Variants in ZFYVE28 observed in about 807,000 individuals in gnomAD.
ZFYVE28 encodes the protein zinc finger FYVE-type containing 28.
In ZFYVE28, 40 loss-of-function variants were observed where a neutral mutation model predicts 82.1. That is an observed-to-expected ratio of 0.49 (90% CI 0.38 to 0.63). ZFYVE28 has a LOEUF of 0.63. Ranked by LOEUF, ZFYVE28 falls within the 30% of genes least tolerant of loss-of-function variation. The probability of loss-of-function intolerance (pLI) is 0.00; values close to 1 mark genes in which losing one functional copy is unlikely to be tolerated. For missense variants in ZFYVE28, 1,321 were observed against 1,242.1 expected, an observed-to-expected ratio of 1.06 and a Z score of -0.96; for synonymous variants, 612 against 546.1, an observed-to-expected ratio of 1.12 and a Z score of -1.68.
At chr4:2,301,880 C>G (rs948513060) in intron 8 of ZFYVE28, among the ~76,000 whole-genome samples, 2 of 152,198 alleles carry the variant, frequency 1.3e-5, no homozygotes, top group African/African-American at 4.8e-5. Context: ...CAAAAACGGC[C>G]TCACCCAAAA....
At chr4:2,386,730 C>G (rs1360236696) in intron 1 of ZFYVE28, among the ~76,000 whole-genome samples, 1 of 152,268 alleles carries the variant, frequency 6.6e-6, no homozygotes, top group Non-Finnish European at 1.5e-5. Context: ...GCCTCCAGGA[C>G]TGTAAGAAAC....
intron 1 of ZFYVE28, among the ~76,000 whole-genome samples, chr4:2,382,856 C>T (rs1050064287): frequency 2.0e-4 from 30 of 152,118 alleles, no homozygotes; most frequent in African/African-American, 5.3e-4. Context: ...CTCAGAATCA[C>T]GGCAGGAGGC....
intron 6 of ZFYVE28, chr4:2,330,687 AG>A: frequency 6.9e-7 from 1 of 1,441,210 alleles, no homozygotes; most frequent in Non-Finnish European, 9.1e-7. Flanking sequence ...CATGGCCAAG[AG>A]GACACTGGAG....
rs79886636 is a variant in ZFYVE28 at position 2,338,741 on chromosome 4, T to C, written c.521+712A>G. Among the ~76,000 whole-genome samples, 5 of 152,346 alleles carry C rather than the reference T, an allele frequency of 3.3e-5. No homozygotes were observed. The South Asian group carries it at 8.3e-4, about 25-fold the overall frequency. ...GGACTGCCCTTAATGCATTGGTTGA[T>C]CTCCTAGGGGCCAGTAGATTACAAG... On this transcript the variant is annotated intron_variant, in intron 4 of 12. Transcript: ENST00000290974.
At chr4:2,379,760 T>C (rs1728533004) in intron 1 of ZFYVE28, among the ~76,000 whole-genome samples, 1 of 152,184 alleles carries the variant, frequency 6.6e-6, no homozygotes. Context: ...TATTTATAAA[T>C]CTATAAATGG....
intron 7 of ZFYVE28, among the ~76,000 whole-genome samples, chr4:2,312,691 C>T (rs557464182): frequency 2.3e-4 from 31 of 133,424 alleles, no homozygotes; most frequent in South Asian, 1.2e-3. Context: ...CGCGCCACTG[C>T]GCTCCAGCCT....
intron 1 of ZFYVE28, among the ~76,000 whole-genome samples, chr4:2,395,686 T>C (rs1004224633): frequency 1.3e-5 from 2 of 152,200 alleles, no homozygotes; most frequent in Admixed American, 6.5e-5. Context: ...CTCCCAGCTC[T>C]TCTCCACCAA....
intron 1 of ZFYVE28, among the ~76,000 whole-genome samples, chr4:2,355,235 T>A (rs1257794884): frequency 2.6e-4 from 6 of 22,872 alleles, no homozygotes; most frequent in East Asian, 1.4e-3. Flanking sequence ...TATATATATA[T>A]ATATATATAT....
chr4:2,383,855 T>C (rs914893849), intron 1 of ZFYVE28, among the ~76,000 whole-genome samples: 7 of 152,166 alleles, frequency 4.6e-5, no homozygotes, highest in African/African-American at 1.7e-4. Flanking sequence ...CTGGCGTGTG[T>C]TACAGACACT....
chr4:2,397,407 G>C (rs1222601061), intron 1 of ZFYVE28, among the ~76,000 whole-genome samples: 4 of 151,538 alleles, frequency 2.6e-5, no homozygotes. Context: ...GAACCCAGGA[G>C]GTGGAGCTTG....
chr4:2,305,684 C>A (rs1716461053), intron 7 of ZFYVE28, 148 bp from the exon 8 acceptor site: 3 of 984,094 alleles, frequency 3.0e-6, no homozygotes, highest in Non-Finnish European at 4.5e-6. Flanking sequence ...AAGGCACCAG[C>A]ACGTCTCCTC....
In ZFYVE28 at chr4:2,270,797, C is replaced by T; in HGVS notation, c.2592G>A (p.Lys864=). 3.7e-6 allele frequency: 6 copies of T among 1,613,156 alleles called. 1 individual carries two copies. Among genetic ancestry groups the T allele is most frequent in the Middle Eastern group, 3.3e-4 (2 of 6,060 alleles). Residue 864 remains lysine, a synonymous_variant, in exon 13 of 13, where the codon AAG becomes AAA. Coordinates refer to ENST00000290974, the MANE Select transcript of ZFYVE28 (RefSeq NM_020972.3). ...AGCAGTGGGTGCACACTCGGACCGG[C>T]TTCACCTGCCCGTAGCGGGGCAGCG... ...SAPLPRYGQV[K]PVRVCTHCYM...
At chr4:2,395,698 G>A (rs753471912) in intron 1 of ZFYVE28, among the ~76,000 whole-genome samples, 20 of 152,190 alleles carry the variant, frequency 1.3e-4, no homozygotes, top group Non-Finnish European at 2.4e-4. Context: ...CTCCACCAAG[G>A]TCACCAGGAA....
At chr4:2,386,357 C>T (rs920924413) in intron 1 of ZFYVE28, among the ~76,000 whole-genome samples, 13 of 152,168 alleles carry the variant, frequency 8.5e-5, no homozygotes, top group African/African-American at 2.9e-4. Flanking sequence ...TGGTGGCGGG[C>T]ACCTGTATTC....
At chr4:2,366,938 A>G (rs757483571) in intron 1 of ZFYVE28, among the ~76,000 whole-genome samples, 1 of 152,266 alleles carries the variant, frequency 6.6e-6, no homozygotes, top group Non-Finnish European at 1.5e-5. Flanking sequence ...GCCAGACGCA[A>G]AGCTGGGAGA....
Position 2,335,293 on chromosome 4 carries a change from G to C in ZFYVE28, c.701+412C>G, listed in dbSNP as rs1721500493. ...ACAAGCCAATCACAGCCTCCTGAGGGACCCGGGGGGCAGCTCGTCCTCTTG... is the reference window on the plus strand; with the variant it reads ...ACAAGCCAATCACAGCCTCCTGAGGCACCCGGGGGGCAGCTCGTCCTCTTG... On this transcript the variant is annotated intron_variant, in intron 6 of 12. Transcript: ENST00000290974. The surrounding 1 kb of genome is among the most constrained non-coding windows in gnomAD (Gnocchi z 5.8). Among the ~76,000 whole-genome samples the C allele has an allele frequency of 6.6e-6, 1 of 151,996 alleles. No individual in the cohort carries two copies. The highest frequency in any genetic ancestry group is 1.5e-5 in the Non-Finnish European group (1 of 67,978).
intron 1 of ZFYVE28, among the ~76,000 whole-genome samples, chr4:2,357,967 C>T (rs116805216): frequency 0.013 from 2,032 of 152,298 alleles, 21 homozygotes; most frequent in Middle Eastern, 0.034. Flanking sequence ...TCAGCCACAA[C>T]GCAGGTGCAT....
chr4:2,348,318 A>G (rs1723876743), intron 2 of ZFYVE28, among the ~76,000 whole-genome samples: 1 of 152,218 alleles, frequency 6.6e-6, no homozygotes, highest in Admixed American at 6.5e-5. Context: ...GTAGTTAAAA[A>G]TCTTCCTACA....
intron 3 of ZFYVE28, among the ~76,000 whole-genome samples, chr4:2,340,239 C>T (rs947442546): frequency 1.3e-5 from 2 of 152,068 alleles, no homozygotes; most frequent in Admixed American, 1.3e-4. Flanking sequence ...TGTGAGAGTC[C>T]CTGGGCTCCT....
Sources: allele counts gnomAD v4.1 joint callset (sites outside exome capture counted in the v4.1 genomes callset), GRCh38; gene constraint gnomAD v4.1.1; non-coding constraint Gnocchi (gnomAD v3.1); transcripts MANE v1.5; gene names NCBI Gene and HGNC (gene_info 2026-07-23, HGNC 2026-07-21).